ANKRD44: variants seen among roughly 807,000 people sequenced by gnomAD.
ANKRD44 encodes the protein serine/threonine-protein phosphatase 6 regulatory ankyrin repeat subunit B.
A neutral mutation model predicts 116.0 loss-of-function variants in ANKRD44; 35 were observed. The ratio of observed to expected loss-of-function variants is 0.30; its 90% CI spans 0.23 to 0.40. The LOEUF (loss-of-function observed/expected upper bound fraction) is 0.40, where lower values mean the gene tolerates loss of function less well. Ranked by LOEUF, ANKRD44 falls within the 10% of genes least tolerant of loss-of-function variation. ANKRD44 has a pLI of 1.00. For missense variants in ANKRD44, 1,014 were observed against 1,242.6 expected (o/e 0.82, Z 2.77); for synonymous variants, 435 against 461.8 (o/e 0.94, Z 0.74).
intron 1 of ANKRD44, among the ~76,000 whole-genome samples, chr2:197,258,029 C>T (rs181584345): frequency 6.6e-6 from 1 of 152,268 alleles, no homozygotes; most frequent in East Asian, 1.9e-4. Context: ...AGCATAATAT[C>T]TTCAAGTTCA....
At chr2:197,084,694 T>A (rs1458830461) in intron 13 of ANKRD44, among the ~76,000 whole-genome samples, 1 of 152,214 alleles carries the variant, frequency 6.6e-6, no homozygotes, top group Admixed American at 6.5e-5. Flanking sequence ...TCTAAAATTC[T>A]GTGTATATGT....
intron 1 of ANKRD44, among the ~76,000 whole-genome samples, chr2:197,233,071 C>T (rs557585500): frequency 1.3e-5 from 2 of 152,192 alleles, no homozygotes; most frequent in Non-Finnish European, 2.9e-5. Flanking sequence ...TCCGGGGAAG[C>T]TCTGCTACGT....
chr2:197,190,436 G>A (rs186401757), intron 1 of ANKRD44, among the ~76,000 whole-genome samples: 22 of 152,318 alleles, frequency 1.4e-4, no homozygotes, highest in African/African-American at 4.1e-4. Context: ...CTGAAGCTGT[G>A]TGTTTGTATG....
At chr2:197,176,804 C>G (rs2080374880) in intron 2 of ANKRD44, among the ~76,000 whole-genome samples, 1 of 152,122 alleles carries the variant, frequency 6.6e-6, no homozygotes, top group Non-Finnish European at 1.5e-5. Flanking sequence ...CGGGTATAAC[C>G]AGCTATGCAA....
In ANKRD44 at chr2:197,064,374, T is replaced by C. The variant is rs189849639; in HGVS notation, c.1650+14329A>G. On this transcript the variant is annotated intron_variant, in intron 16 of 27. Transcript: ENST00000282272. ...GACAAATTGTAAAGACCATCAATGCTAGGAAGAAACTGCATCGACTAACGA... is the reference window on the plus strand; with the variant it reads ...GACAAATTGTAAAGACCATCAATGCCAGGAAGAAACTGCATCGACTAACGA... 1.5e-3 allele frequency among the ~76,000 whole-genome samples: 224 copies of C among 152,286 alleles called. 1 individual carries two copies. Among genetic ancestry groups the C allele is most frequent in the African/African-American group, 5.0e-3 (209 of 41,536 alleles).
intron 2 of ANKRD44, among the ~76,000 whole-genome samples, chr2:197,173,439 A>G (rs1156364823): frequency 6.6e-6 from 1 of 152,210 alleles, no homozygotes; most frequent in African/African-American, 2.4e-5. Flanking sequence ...TTCTGTACCT[A>G]TATTTGAAGT....
chr2:197,100,475 G>T (rs1007959676), intron 9 of ANKRD44, among the ~76,000 whole-genome samples: 2 of 152,162 alleles, frequency 1.3e-5, no homozygotes, highest in African/African-American at 4.8e-5. Flanking sequence ...AAATGCTTTT[G>T]AGAAATCTTT....
chr2:196,986,310 G>C (rs1026741935), downstream of ANKRD44, among the ~76,000 whole-genome samples: 3 of 152,088 alleles, frequency 2.0e-5, no homozygotes, highest in African/African-American at 7.2e-5. Flanking sequence ...AGCTACTCGG[G>C]AGGCTGAGGT....
intron 1 of ANKRD44, among the ~76,000 whole-genome samples, chr2:197,275,640 T>C (rs1275333055): frequency 1.3e-5 from 2 of 152,000 alleles, no homozygotes; most frequent in African/African-American, 4.8e-5. Flanking sequence ...GCACTTTCTA[T>C]GTCCACAGCA....
chr2:197,202,901 G>A lies in ANKRD44; in HGVS notation c.28-15795C>T, dbSNP rs567014319. ...CCTTTTTTTTTTTTAAGACCTAAATGGATGCAGAAGAAATTTGGCTGATGT... is the reference window on the plus strand; with the variant it reads ...CCTTTTTTTTTTTTAAGACCTAAATAGATGCAGAAGAAATTTGGCTGATGT... On this transcript the variant is annotated intron_variant, in intron 1 of 27. Transcript: ENST00000282272. Among the ~76,000 whole-genome samples, 212 of 151,808 alleles carry A rather than the reference G, an allele frequency of 1.4e-3. 1 individual carries two copies. The highest frequency in any genetic ancestry group is 4.8e-3 in the African/African-American group (199 of 41,386).
rs141514948 is a variant in ANKRD44, at chr2:197,073,997, C to A, written c.1650+4706G>T. On this transcript the variant is annotated intron_variant, in intron 16 of 27. Transcript: ENST00000282272. ...CTGCCACATTACAAAAAAAATGGAA[C>A]ATCTTATCATAAAAAATTGTCTATT... is the stretch of plus-strand genomic sequence containing the variant. Among the ~76,000 whole-genome samples, 501 of 149,744 alleles carry A rather than the reference C, an allele frequency of 3.3e-3. 2 individuals are homozygous for A. Among genetic ancestry groups the A allele is most frequent in the African/African-American group, 0.011 (461 of 41,388 alleles).
intron 1 of ANKRD44, among the ~76,000 whole-genome samples, chr2:197,240,442 T>G (rs1318758851): frequency 6.6e-6 from 1 of 150,954 alleles, no homozygotes; most frequent in African/African-American, 2.4e-5. Flanking sequence ...TGTTCAGACT[T>G]CTACCACTAA....
chr2:197,037,224 C>T (rs2076824503), intron 16 of ANKRD44, among the ~76,000 whole-genome samples: 1 of 152,194 alleles, frequency 6.6e-6, no homozygotes, highest in South Asian at 2.1e-4. Flanking sequence ...AACAAATAAA[C>T]ATTACTAGAG....
At chr2:197,145,818 C>T (rs1357473711) in intron 3 of ANKRD44, among the ~76,000 whole-genome samples, 1 of 152,178 alleles carries the variant, frequency 6.6e-6, no homozygotes, top group East Asian at 1.9e-4. Context: ...TAAGATGCTA[C>T]AGTTCCCCTT....
chr2:197,291,546 G>A (rs1004308418), intron 1 of ANKRD44, among the ~76,000 whole-genome samples: 1 of 152,074 alleles, frequency 6.6e-6, no homozygotes, highest in African/African-American at 2.4e-5. Flanking sequence ...GGATAAAAGT[G>A]CGGTAATTTA....
chr2:197,089,048 T>G (rs2077986577), intron 11 of ANKRD44, among the ~76,000 whole-genome samples: 1 of 152,208 alleles, frequency 6.6e-6, no homozygotes, highest in Admixed American at 6.5e-5. Flanking sequence ...GGATAGAAAT[T>G]TATGAAACCA....
chr2:196,978,862 T>C (rs1356778489), intron 21 of ANKRD44, among the ~76,000 whole-genome samples: 5 of 149,972 alleles, frequency 3.3e-5, no homozygotes, highest in Admixed American at 1.3e-4. Flanking sequence ...GTAACCAATA[T>C]TTACAGACCC....
In ANKRD44 at chr2:196,993,670, G is replaced by A. The variant is rs1280278815; in HGVS notation, c.2836C>T (p.Leu946Phe). 6.4e-7 allele frequency: 1 copy of A among 1,550,590 alleles called. No individual in the cohort carries two copies. The highest frequency in any genetic ancestry group is 8.7e-7 in the Non-Finnish European group (1 of 1,146,898). The change falls in exon 27 of 28, where the codon CTC becomes TTC. Residue 946 changes from leucine to phenylalanine, a missense_variant. Transcript: ENST00000282272. Reference protein sequence around the residue: ...NEKNNALQTPLHVAARNGLKV... With the variant: ...NEKNNALQTPFHVAARNGLKV... ...AAGCCATTGCGCGCAGCGACGTGGA[G>A]GGGTCTAAAAAACACAAGACCGAGC...
Position 197,147,048 on chromosome 2 carries a change from T to C in ANKRD44, c.169A>G (p.Ile57Val). 1.2e-6 allele frequency: 2 copies of C among 1,613,854 alleles called. No individual in the cohort carries two copies. The highest frequency in any genetic ancestry group is 1.7e-6 in the Non-Finnish European group (2 of 1,179,762). The change falls in exon 3 of 28, where the codon ATT becomes GTT. Residue 57 changes from isoleucine (I) to valine (V), a missense_variant. Coordinates refer to ENST00000282272, the MANE Select transcript of ANKRD44 (RefSeq NM_001195144.2). ...TTACCTGACAAAATCAGGAGTTCAA[T>C]GATCTCTGCATCTCCCAGAAATGCG... ...VAAFLGDAEI[I>V]ELLILSGARV... is the part of the protein sequence containing the mutation.
Sources: allele counts gnomAD v4.1 joint callset (sites outside exome capture counted in the v4.1 genomes callset), GRCh38; gene constraint gnomAD v4.1.1; transcripts MANE v1.5; gene names NCBI Gene and HGNC (gene_info 2026-07-23, HGNC 2026-07-21).